GC: variants seen among roughly 807,000 people sequenced by gnomAD.
GC encodes GC vitamin D binding protein.
Under a neutral mutation model 56.7 loss-of-function variants are expected in GC, and 43 were observed. That is an observed-to-expected ratio of 0.76 (90% CI 0.59 to 0.98). GC has a LOEUF of 0.98. Among genes scored for constraint, GC ranks in the 50% least tolerant of loss-of-function variants. The pLI is 0.00. For synonymous variants in GC, 216 were observed against 202.7 expected, an observed-to-expected ratio of 1.07 and a Z score of -0.56; for missense variants, 529 against 545.9, an observed-to-expected ratio of 0.97 and a Z score of 0.31.
In GC at chr4:71,746,160, TA is replaced by T; in HGVS notation, c.*15del. 1.6e-6 allele frequency: 2 copies of T among 1,235,692 alleles called. No homozygotes were observed. The highest frequency in any genetic ancestry group is 2.4e-6 in the Non-Finnish European group (2 of 840,246). 76.5% of individuals were successfully genotyped at this position (1,235,692 alleles called of 1,614,324 possible). ...TATAAAATATACTTACCAAAGTTAA[TA>T]AACATGCTTCAGGACTACAGGATAT... On this transcript the variant is annotated 3_prime_UTR_variant, in exon 12 of 13. Transcript: ENST00000273951.
intron 6 of GC, among the ~76,000 whole-genome samples, chr4:71,761,602 C>T (rs1741976649): frequency 6.6e-6 from 1 of 152,182 alleles, no homozygotes; most frequent in Admixed American, 6.5e-5. Context: ...GCAGCCCATC[C>T]CATCACAGGC....
Position 71,765,144 on chromosome 4 carries a change from G to C in GC, c.473+288C>G, listed in dbSNP as rs752660902. Among the ~76,000 whole-genome samples, 54 of 152,130 alleles carry C rather than the reference G, an allele frequency of 3.5e-4. 1 individual carries two copies. The highest frequency in any genetic ancestry group is 2.0e-4 in the Admixed American group (3 of 15,268). ...TAGCATCAGGGAAATCACCACAGGGGCTGTCAAATATTTGAAAATATATCA... is the reference window on the plus strand; with the variant it reads ...TAGCATCAGGGAAATCACCACAGGGCCTGTCAAATATTTGAAAATATATCA... On this transcript the variant is annotated intron_variant, in intron 4 of 12. Coordinates refer to ENST00000273951, the MANE Select transcript of GC (RefSeq NM_000583.4).
intron 1 of GC, among the ~76,000 whole-genome samples, chr4:71,789,562 G>T (rs893536477): frequency 2.1e-4 from 32 of 151,958 alleles, no homozygotes; most frequent in African/African-American, 7.5e-4. Context: ...TACTGAAGGA[G>T]AAATGAATTT....
rs1214451814 is a variant in GC, at chr4:71,765,632, C to A, written c.273G>T (p.Leu91=). 1 of 1,610,636 alleles carries A rather than the reference C, an allele frequency of 6.2e-7. No homozygotes were observed. The highest frequency in any genetic ancestry group is 1.3e-5 in the African/African-American group (1 of 74,800). ...AATTACTTTCACAGGACTTGGCAGACAGTGCTGAGGTCTGGAGGAGAAGGA... is the reference window on the plus strand; with the variant it reads ...AATTACTTTCACAGGACTTGGCAGAAAGTGCTGAGGTCTGGAGGAGAAGGA... ...PDCYDTRTSA[L]SAKSCESNSP... is the part of the protein sequence containing the mutation. The change falls in exon 4 of 13, where the codon CTG becomes CTT. Residue 91 remains leucine (L), a synonymous_variant. Coordinates refer to ENST00000273951, the MANE Select transcript of GC (RefSeq NM_000583.4).
chr4:71,777,775 TA>T (rs1161195179), intron 1 of GC, among the ~76,000 whole-genome samples: 1 of 151,228 alleles, frequency 6.6e-6, no homozygotes, highest in Admixed American at 6.6e-5. Flanking sequence ...TTTTAATAGA[TA>T]AAAAAATCAC....
At chr4:71,747,823 G>C (rs1047387475) in intron 11 of GC, among the ~76,000 whole-genome samples, 1 of 152,096 alleles carries the variant, frequency 6.6e-6, no homozygotes, top group Non-Finnish European at 1.5e-5. Context: ...AGACAGAGCT[G>C]GCAAAAATGT....
intron 3 of GC, among the ~76,000 whole-genome samples, chr4:71,766,924 C>T (rs73827386): frequency 0.015 from 2,236 of 152,094 alleles, 51 homozygotes; most frequent in African/African-American, 0.051. Context: ...AATATCAATG[C>T]CATATCTGTT....
chr4:71,802,663 T>A (rs1743279401), intron 1 of GC, among the ~76,000 whole-genome samples: 1 of 152,226 alleles, frequency 6.6e-6, no homozygotes, highest in African/African-American at 2.4e-5. Context: ...ATCAAGTTCT[T>A]TGCTCTTTCT....
upstream of GC, among the ~76,000 whole-genome samples, chr4:71,786,534 G>A (rs796484988): frequency 6.6e-6 from 1 of 151,642 alleles, no homozygotes; most frequent in Non-Finnish European, 1.5e-5. Flanking sequence ...TTTTGCAGGA[G>A]CTGTTTTTCC....
chr4:71,763,453 A>C lies in GC; in HGVS notation c.656T>G (p.Val219Gly). The part of the protein sequence containing the change: ...LSLLTTLSNR[V>G]CSQYAAYGEK... ...CCCATAAGCAGCATATTGTGAGCAG[A>C]CTCTATTTGACAGAGTGGTGAGAAG... Residue 219 changes from valine to glycine, a missense_variant, in exon 6 of 13, where the codon GTC (valine) becomes GGC (glycine). Transcript: ENST00000273951. 3.7e-6 allele frequency: 6 copies of C among 1,607,832 alleles called. No homozygotes were observed. Among genetic ancestry groups the C allele is most frequent in the Non-Finnish European group, 5.1e-6 (6 of 1,174,744 alleles).
chr4:71,752,916 A>G (rs748366636), intron 10 of GC, among the ~76,000 whole-genome samples: 1 of 152,264 alleles, frequency 6.6e-6, no homozygotes. Context: ...CATTATTTCA[A>G]AATGGAAGAG....
At chr4:71,781,619 T>G (rs1278653386) in intron 1 of GC, among the ~76,000 whole-genome samples, 2 of 151,788 alleles carry the variant, frequency 1.3e-5, no homozygotes, top group Admixed American at 1.3e-4. Flanking sequence ...CTTGGTTTCT[T>G]TGGAAGGGAA....
rs988191154 is a variant in GC, at chr4:71,756,577, A to G, written c.1034+135T>C. On this transcript the variant is annotated intron_variant, in intron 8 of 12. Transcript: ENST00000273951. Reference sequence around the variant, plus strand: ...ATTAATTAACAAATACTTAAAGTCCATGAAAAGCATAAAGGTAGTACTTTG... The same window carrying G: ...ATTAATTAACAAATACTTAAAGTCCGTGAAAAGCATAAAGGTAGTACTTTG... 27 of 626,216 alleles carry G rather than the reference A, an allele frequency of 4.3e-5. No homozygotes were observed. In the African/African-American group the frequency reaches 4.4e-4, roughly 10 times the overall value. 38.8% of individuals were successfully genotyped at this position (626,216 alleles called of 1,614,324 possible). A position where few individuals can be genotyped will look rare whatever the true frequency, so the allele number is the denominator to read the frequency against.
chr4:71,777,821 A>T (rs1453694903), intron 1 of GC, among the ~76,000 whole-genome samples: 3 of 151,424 alleles, frequency 2.0e-5, no homozygotes, highest in Admixed American at 6.6e-5. Context: ...TCACTCATAA[A>T]TGGGAGTCGA....
chr4:71,752,658 A>C lies in GC; in HGVS notation c.1263-8T>G. ...TTTAGTCGCTCTGCCAGTCTGAAAA[A>C]CCATTTAAATGTAAGGTCTTACTAC... On this transcript the variant is annotated splice_region_variant and splice_polypyrimidine_tract_variant and intron_variant, in intron 10 of 12. Coordinates refer to ENST00000273951, the MANE Select transcript of GC (RefSeq NM_000583.4). The C allele has an allele frequency of 6.2e-7, 1 of 1,611,368 alleles. No homozygotes were observed. The highest frequency in any genetic ancestry group is 1.7e-4 in the Middle Eastern group (1 of 6,048).
chr4:71,798,649 G>T (rs1272042671), intron 1 of GC, among the ~76,000 whole-genome samples: 2 of 152,128 alleles, frequency 1.3e-5, no homozygotes, highest in Non-Finnish European at 2.9e-5. Context: ...TAAGGACTTG[G>T]ATTTTAGACT....
At position 71,763,515 on chromosome 4, in the gene GC, T is replaced by C. The variant is rs1442889948; in HGVS notation, c.607-13A>G. On this transcript the variant is annotated splice_polypyrimidine_tract_variant and intron_variant, in intron 5 of 12. Coordinates refer to ENST00000273951, the MANE Select transcript of GC (RefSeq NM_000583.4). Reference sequence around the variant, plus strand: ...TAAGCTGGAGTCTCTAGAAAACAAGTGAAAGAATCTCATTATATGGTCAAG... The same window carrying C: ...TAAGCTGGAGTCTCTAGAAAACAAGCGAAAGAATCTCATTATATGGTCAAG... 2.1e-6 allele frequency: 3 copies of C among 1,452,144 alleles called. No homozygotes were observed. Among genetic ancestry groups the C allele is most frequent in the Non-Finnish European group, 1.9e-6 (2 of 1,034,422 alleles). 90.0% of individuals were successfully genotyped at this position (1,452,144 alleles called of 1,614,324 possible).
intron 1 of GC, among the ~76,000 whole-genome samples, chr4:71,800,372 G>T (rs1399217390): frequency 6.6e-6 from 1 of 152,076 alleles, no homozygotes; most frequent in Non-Finnish European, 1.5e-5. Context: ...GAGGATGATG[G>T]CTTCCAGCAT....
chr4:71,768,541 T>C, intron 2 of GC, 108 bp from the exon 3 acceptor site: 1 of 853,944 alleles, frequency 1.2e-6, no homozygotes, highest in South Asian at 2.0e-5. Flanking sequence ...TGATCTCAGC[T>C]CACTGCACTC....
Sources: gnomAD v4.1 joint callset for allele counts (sites outside exome capture counted in the v4.1 genomes callset) on GRCh38, gnomAD v4.1.1 for gene constraint, MANE v1.5 for transcripts, NCBI Gene and HGNC (gene_info 2026-07-23, HGNC 2026-07-21) for gene names.